The following EXT1 variants were observed in gnomAD, a reference collection of about 807,000 sequenced individuals.
EXT1 encodes the protein exostosin glycosyltransferase 1, also known as exostosin-1.
EXT1 carries 20 observed loss-of-function variants against 82.5 expected under a neutral mutation model. The ratio of observed to expected loss-of-function variants is 0.24; its 90% CI spans 0.17 to 0.35. The LOEUF is 0.35. Among genes scored for constraint, EXT1 ranks in the 10% least tolerant of loss-of-function variants. The pLI is 1.00. For missense variants in EXT1, 757 were observed against 936.5 expected (o/e 0.81, Z 2.50); for synonymous variants, 348 against 350.8 (o/e 0.99, Z 0.09).
chr8:117,939,653 A>G (rs1814236678), intron 1 of EXT1, among the ~76,000 whole-genome samples: 1 of 152,132 alleles, frequency 6.6e-6, no homozygotes, highest in African/African-American at 2.4e-5. Context: ...CCCACAACTG[A>G]TAACTAATGG....
At chr8:117,830,670 T>C (rs1417552210) in intron 3 of EXT1, among the ~76,000 whole-genome samples, 16 of 152,180 alleles carry the variant, frequency 1.1e-4, no homozygotes, top group Admixed American at 1.0e-3. Context: ...ACCTTGCACA[T>C]GAACAACCAA....
intron 1 of EXT1, among the ~76,000 whole-genome samples, chr8:117,991,168 T>C (rs1815425465): frequency 6.6e-6 from 1 of 151,792 alleles, no homozygotes; most frequent in African/African-American, 2.4e-5. Flanking sequence ...TGGAGTACAG[T>C]GGCGCAATCT....
At chr8:117,935,504 A>G (rs533450145) in intron 1 of EXT1, among the ~76,000 whole-genome samples, 1 of 151,960 alleles carries the variant, frequency 6.6e-6, no homozygotes, top group Non-Finnish European at 1.5e-5. Flanking sequence ...CAACATGCCA[A>G]CAGCACCAAC....
intron 1 of EXT1, among the ~76,000 whole-genome samples, chr8:117,995,340 T>C (rs1012191913): frequency 4.6e-5 from 7 of 152,226 alleles, no homozygotes; most frequent in Non-Finnish European, 8.8e-5. Context: ...GCCAGCATGG[T>C]ATGAGGATTC....
intron 1 of EXT1, among the ~76,000 whole-genome samples, chr8:118,047,666 C>T (rs1816643690): frequency 6.6e-6 from 1 of 152,042 alleles, no homozygotes; most frequent in African/African-American, 2.4e-5. Context: ...AAACTAATTC[C>T]CCAACACTCA....
intron 1 of EXT1, among the ~76,000 whole-genome samples, chr8:118,022,795 A>C (rs1458364158): frequency 6.6e-6 from 1 of 152,222 alleles, no homozygotes; most frequent in Non-Finnish European, 1.5e-5. Flanking sequence ...AGAAACAACC[A>C]ATTACTTCTC....
At chr8:117,824,522 CATTTGT>C (rs1811978395) in intron 4 of EXT1, among the ~76,000 whole-genome samples, 1 of 152,166 alleles carries the variant, frequency 6.6e-6, no homozygotes, top group Non-Finnish European at 1.5e-5. Flanking sequence ...TTATTTTCCT[CATTTGT>C]AATAAAACAA....
chr8:118,040,462 T>G (rs985222584), intron 1 of EXT1, among the ~76,000 whole-genome samples: 2 of 152,210 alleles, frequency 1.3e-5, no homozygotes, highest in South Asian at 2.1e-4. Flanking sequence ...ATAAATTGGA[T>G]AGCAAACCTA....
At chr8:117,978,422 A>C (rs1021966325) in intron 1 of EXT1, among the ~76,000 whole-genome samples, 1 of 152,210 alleles carries the variant, frequency 6.6e-6, no homozygotes, top group African/African-American at 2.4e-5. Context: ...GCCAGTAAGC[A>C]CATCATCTCT....
intron 1 of EXT1, among the ~76,000 whole-genome samples, chr8:118,082,015 A>G (rs1041877549): frequency 6.6e-6 from 1 of 152,176 alleles, no homozygotes; most frequent in Non-Finnish European, 1.5e-5. Context: ...CTTGTAAAAG[A>G]GGAGTGTGAT....
At chr8:117,927,594 C>T (rs913924960) in intron 1 of EXT1, among the ~76,000 whole-genome samples, 3 of 96,270 alleles carry the variant, frequency 3.1e-5, no homozygotes, top group Non-Finnish European at 8.2e-5. Flanking sequence ...GGTACTGTCA[C>T]TTAAAATAAT....
chr8:117,946,190 C>G (rs746783949), intron 1 of EXT1, among the ~76,000 whole-genome samples: 2 of 152,142 alleles, frequency 1.3e-5, no homozygotes, highest in African/African-American at 2.4e-5. Context: ...TGAGCTACCG[C>G]GCCTGGCCTA....
intron 1 of EXT1, among the ~76,000 whole-genome samples, chr8:117,933,799 C>T (rs1219936013): frequency 6.6e-6 from 1 of 152,208 alleles, no homozygotes; most frequent in Non-Finnish European, 1.5e-5. Context: ...ATCCAGTCCA[C>T]TACCCTTACT....
chr8:118,091,899 A>G (rs1046489853), intron 1 of EXT1, among the ~76,000 whole-genome samples: 7 of 152,220 alleles, frequency 4.6e-5, no homozygotes, highest in African/African-American at 1.4e-4. Flanking sequence ...TTTCTGCACT[A>G]AAAGGCCACC....
intron 1 of EXT1, among the ~76,000 whole-genome samples, chr8:117,980,703 T>TG (rs1563619792): frequency 1.8e-5 from 1 of 55,246 alleles, no homozygotes; most frequent in Non-Finnish European, 4.1e-5. Context: ...TGGTGGTTTT[T>TG]TTTTTTTTTT....
In EXT1 at chr8:117,830,295, GCTGT is replaced by G. The variant is rs1369118661; in HGVS notation, c.1215_1218del (p.Arg405SerfsTer19). ...TAAGCCTCCCACAAGAATTGTGTCT[GCTGT>G]CTAAGTGCTAGGATTTTATCCTGAT... On this transcript the variant is annotated frameshift_variant, in exon 4 of 11. Coordinates refer to ENST00000378204, the MANE Select transcript of EXT1 (RefSeq NM_000127.3). LOFTEE classifies it high-confidence loss of function. 6.2e-7 allele frequency: 1 copy of G among 1,613,882 alleles called. No individual in the cohort carries two copies. The highest frequency in any genetic ancestry group is 8.5e-7 in the Non-Finnish European group (1 of 1,179,916).
At chr8:118,057,386 A>T (rs1026673581) in intron 1 of EXT1, among the ~76,000 whole-genome samples, 4 of 151,622 alleles carry the variant, frequency 2.6e-5, no homozygotes, top group African/African-American at 9.7e-5. Context: ...CTAAAAATAC[A>T]AAAAATTAGC....
At chr8:118,057,452 A>G (rs1191632076) in intron 1 of EXT1, among the ~76,000 whole-genome samples, 2 of 152,146 alleles carry the variant, frequency 1.3e-5, no homozygotes, top group Non-Finnish European at 2.9e-5. Flanking sequence ...AGGCAAGGGA[A>G]TCACTTGAAC....
chr8:117,934,084 G>A (rs975820503), intron 1 of EXT1, among the ~76,000 whole-genome samples: 8 of 151,928 alleles, frequency 5.3e-5, no homozygotes, highest in African/African-American at 1.7e-4. Flanking sequence ...ACCTCAACAC[G>A]CACTGCTTCA....
Sources: allele counts gnomAD v4.1 joint callset (sites outside exome capture counted in the v4.1 genomes callset), GRCh38; gene constraint gnomAD v4.1.1; transcripts MANE v1.5; gene names NCBI Gene and HGNC (gene_info 2026-07-23, HGNC 2026-07-21).